The following GRID2 variants were observed in gnomAD, a reference collection of about 807,000 sequenced individuals.
GRID2 encodes glutamate ionotropic receptor delta type subunit 2.
Under a neutral mutation model 114.8 loss-of-function variants are expected in GRID2, and 33 were observed. The observed-to-expected ratio is 0.29, with a 90% CI of 0.22 to 0.38. GRID2 has a LOEUF of 0.38. Among genes scored for constraint, GRID2 ranks in the 10% least tolerant of loss-of-function variants. GRID2 has a pLI of 1.00. For synonymous variants in GRID2, 505 were observed against 449.9 expected, an observed-to-expected ratio of 1.12 and a Z score of -1.55; for missense variants, 1,184 against 1,257.7, an observed-to-expected ratio of 0.94 and a Z score of 0.89.
At chr4:92,937,424 G>C (rs952400855) in intron 2 of GRID2, among the ~76,000 whole-genome samples, 1 of 146,592 alleles carries the variant, frequency 6.8e-6, no homozygotes, top group Non-Finnish European at 1.5e-5. Context: ...AGTTGTTCCA[G>C]CAACATTTGT....
intron 1 of GRID2, among the ~76,000 whole-genome samples, chr4:92,531,158 A>C (rs1223040276): frequency 6.6e-6 from 1 of 152,142 alleles, no homozygotes; most frequent in African/African-American, 2.4e-5. Flanking sequence ...AATATTTGCT[A>C]ATCACTGGAG....
intron 8 of GRID2, among the ~76,000 whole-genome samples, chr4:93,331,737 C>G (rs897988416): frequency 6.6e-6 from 1 of 152,072 alleles, no homozygotes; most frequent in African/African-American, 2.4e-5. Context: ...GACTGGTAGA[C>G]TCTATCAATT....
chr4:93,249,306 G>A (rs1312602352), intron 8 of GRID2, among the ~76,000 whole-genome samples: 1 of 152,182 alleles, frequency 6.6e-6, no homozygotes, highest in Non-Finnish European at 1.5e-5. Flanking sequence ...CAGGTAGCAA[G>A]ATGCCTCCAG....
chr4:92,545,253 G>C (rs747706881), intron 1 of GRID2, among the ~76,000 whole-genome samples: 1 of 152,096 alleles, frequency 6.6e-6, no homozygotes, highest in Non-Finnish European at 1.5e-5. Flanking sequence ...GAGGAAATGA[G>C]GACTATTGCT....
intron 2 of GRID2, among the ~76,000 whole-genome samples, chr4:92,678,246 A>G (rs1442518184): frequency 6.6e-6 from 1 of 152,082 alleles, no homozygotes; most frequent in Admixed American, 6.5e-5. Flanking sequence ...ATTTATCAGC[A>G]TCTCACATAC....
intron 1 of GRID2, among the ~76,000 whole-genome samples, chr4:92,512,477 A>G (rs1724301606): frequency 6.6e-6 from 1 of 151,894 alleles, no homozygotes; most frequent in South Asian, 2.1e-4. Flanking sequence ...AATCTGGAAA[A>G]GAGATGAATT....
intron 12 of GRID2, among the ~76,000 whole-genome samples, chr4:93,513,998 G>GT (rs1381980081): frequency 6.6e-6 from 1 of 152,150 alleles, no homozygotes; most frequent in Non-Finnish European, 1.5e-5. Context: ...GCTTATGGTT[G>GT]TAGAGTTCTG....
At chr4:93,377,238 A>G (rs1763462608) in intron 8 of GRID2, among the ~76,000 whole-genome samples, 1 of 152,262 alleles carries the variant, frequency 6.6e-6, no homozygotes. Flanking sequence ...TATTCTATTT[A>G]TATATTTGAA....
At chr4:92,668,394 A>G (rs924855804) in intron 2 of GRID2, among the ~76,000 whole-genome samples, 1 of 151,740 alleles carries the variant, frequency 6.6e-6, no homozygotes, top group Non-Finnish European at 1.5e-5. Flanking sequence ...ATACACTGTG[A>G]TTGGATTTTT....
At chr4:92,766,174 A>G (rs143159696) in intron 2 of GRID2, among the ~76,000 whole-genome samples, 21 of 152,292 alleles carry the variant, frequency 1.4e-4, no homozygotes, top group African/African-American at 3.6e-4. Flanking sequence ...ACATTAGTCA[A>G]ATTTTCTGCC....
At chr4:93,726,894 A>G (rs1729957638) in intron 14 of GRID2, among the ~76,000 whole-genome samples, 1 of 152,192 alleles carries the variant, frequency 6.6e-6, no homozygotes, top group African/African-American at 2.4e-5. Context: ...GGCTGAGACG[A>G]TGGGGTTCTC....
chr4:92,514,918 G>A (rs1257521146), intron 1 of GRID2, among the ~76,000 whole-genome samples: 1 of 151,810 alleles, frequency 6.6e-6, no homozygotes, highest in Non-Finnish European at 1.5e-5. Flanking sequence ...AGTGATATTA[G>A]AGGTTGTGGC....
rs537787017 is a variant in GRID2 at position 93,601,891 on chromosome 4, G to A, written c.2194-24378G>A. Among the ~76,000 whole-genome samples the A allele has an allele frequency of 5.9e-5, 9 of 152,000 alleles. 1 individual carries two copies. In the South Asian group the frequency reaches 1.9e-3, roughly 32 times the overall value. On this transcript the variant is annotated intron_variant, in intron 13 of 15. Coordinates refer to ENST00000282020, the MANE Select transcript of GRID2 (RefSeq NM_001510.4). ...TTACACCTTTATTTTCTCATTGCTGGGCCAAGAAGTTAGTGAGATACTGAA... is the reference window on the plus strand; with the variant it reads ...TTACACCTTTATTTTCTCATTGCTGAGCCAAGAAGTTAGTGAGATACTGAA...
At chr4:92,866,776 C>T (rs1440789593) in intron 2 of GRID2, among the ~76,000 whole-genome samples, 1 of 151,758 alleles carries the variant, frequency 6.6e-6, no homozygotes, top group Non-Finnish European at 1.5e-5. Context: ...TGGTCTCGAT[C>T]TCCTGACCTC....
At chr4:92,577,425 G>A (rs1454977950) in intron 1 of GRID2, among the ~76,000 whole-genome samples, 1 of 152,192 alleles carries the variant, frequency 6.6e-6, no homozygotes, top group Non-Finnish European at 1.5e-5. Context: ...ACCGAGGACA[G>A]AGAGAAAGAT....
rs1226528347 is a variant in GRID2 at position 93,589,997 on chromosome 4, G to T, written c.2194-36272G>T. Among the ~76,000 whole-genome samples the T allele has an allele frequency of 3.3e-5, 5 of 150,638 alleles. No homozygotes were observed. In the South Asian group the frequency reaches 6.4e-4, roughly 19 times the overall value. ...GGTTGTGAAAATTTTCTCCCATTTT[G>T]TAGGTTGCCTGTTCACTCTGATGGT... On this transcript the variant is annotated intron_variant, in intron 13 of 15. Transcript: ENST00000282020.
chr4:92,563,913 C>T (rs370307441), intron 1 of GRID2, among the ~76,000 whole-genome samples: 3 of 151,974 alleles, frequency 2.0e-5, no homozygotes, highest in Admixed American at 6.6e-5. Flanking sequence ...ACTTTTCTTA[C>T]GCTGTTCCTT....
chr4:93,771,003 A>G (rs1734064472), intron 15 of GRID2, among the ~76,000 whole-genome samples: 1 of 152,188 alleles, frequency 6.6e-6, no homozygotes, highest in Non-Finnish European at 1.5e-5. Flanking sequence ...GAGGAACACT[A>G]TAATAGCACA....
At chr4:92,533,443 GGACACA>G (rs1725451299) in intron 1 of GRID2, among the ~76,000 whole-genome samples, 1 of 128,588 alleles carries the variant, frequency 7.8e-6, no homozygotes, top group Admixed American at 7.9e-5. Flanking sequence ...CAAAGTACTA[GGACACA>G]TACATACATA....
Sources: allele counts gnomAD v4.1 joint callset (sites outside exome capture counted in the v4.1 genomes callset), GRCh38; gene constraint gnomAD v4.1.1; transcripts MANE v1.5; gene names NCBI Gene and HGNC (gene_info 2026-07-23, HGNC 2026-07-21).